Variants in TAFA1 observed in about 807,000 individuals in gnomAD.
The protein encoded by TAFA1 is TAFA chemokine like family member 1, also known as chemokine-like protein TAFA-1.
TAFA1 carries 4 observed loss-of-function variants against 18.5 expected under a neutral mutation model. The observed-to-expected ratio is 0.22, with a 90% CI of 0.11 to 0.49. TAFA1 has a LOEUF of 0.49. Among genes scored for constraint, TAFA1 ranks in the 20% least tolerant of loss-of-function variants. The pLI, the probability that TAFA1 is intolerant of heterozygous loss-of-function variation, is 0.98. For missense variants in TAFA1, 147 were observed against 169.0 expected (o/e 0.87, Z 0.72); for synonymous variants, 56 against 55.2 (o/e 1.01, Z -0.06).
intron 2 of TAFA1, among the ~76,000 whole-genome samples, chr3:68,116,943 C>G (rs1017781741): frequency 2.0e-5 from 3 of 152,198 alleles, no homozygotes; most frequent in Non-Finnish European, 4.4e-5. Context: ...ATCTGGCCTG[C>G]AAAACCTAAA....
At chr3:68,350,089 A>G (rs912565936) in intron 2 of TAFA1, among the ~76,000 whole-genome samples, 3 of 152,160 alleles carry the variant, frequency 2.0e-5, no homozygotes, top group African/African-American at 7.2e-5. Flanking sequence ...TATTGCTATA[A>G]GTAGCAAATG....
chr3:68,408,457 A>G (rs1428945222), intron 2 of TAFA1, among the ~76,000 whole-genome samples: 1 of 152,162 alleles, frequency 6.6e-6, no homozygotes, highest in Non-Finnish European at 1.5e-5. Context: ...CAAAAGCTAC[A>G]CTTATCATTC....
intron 3 of TAFA1, among the ~76,000 whole-genome samples, chr3:68,422,441 G>A (rs1055395718): frequency 1.3e-5 from 2 of 152,062 alleles, no homozygotes; most frequent in Non-Finnish European, 2.9e-5. Context: ...CATGGTAAGT[G>A]TTCCAATTGC....
intron 2 of TAFA1, among the ~76,000 whole-genome samples, chr3:68,303,548 C>G (rs2068345573): frequency 6.6e-6 from 1 of 152,084 alleles, no homozygotes; most frequent in Non-Finnish European, 1.5e-5. Context: ...TCACGCCATT[C>G]TCCCGCCTCA....
chr3:68,201,698 T>C (rs2107041085), intron 2 of TAFA1, among the ~76,000 whole-genome samples: 1 of 151,844 alleles, frequency 6.6e-6, no homozygotes, highest in Non-Finnish European at 1.5e-5. Context: ...AGCCACTGTC[T>C]TAGTTTATTT....
At chr3:68,386,174 A>T (rs1249892833) in intron 2 of TAFA1, among the ~76,000 whole-genome samples, 1 of 152,138 alleles carries the variant, frequency 6.6e-6, no homozygotes, top group East Asian at 1.9e-4. Flanking sequence ...TTTCAGTAAC[A>T]CACGATAGAT....
At position 68,449,160 on chromosome 3, in the gene TAFA1, G is replaced by A. The variant is rs539293734; in HGVS notation, c.259+31740G>A. On this transcript the variant is annotated intron_variant, in intron 3 of 4. Transcript: ENST00000478136. ...CAGTGAAAGAGAAATGCACGGAAAA[G>A]ATGCAGGGAAGGCTTCCTGCAGGAG... Among the ~76,000 whole-genome samples, 291 of 152,304 alleles carry A rather than the reference G, an allele frequency of 1.9e-3. 2 individuals are homozygous for A. The highest frequency in any genetic ancestry group is 6.6e-3 in the African/African-American group (276 of 41,564).
intron 2 of TAFA1, among the ~76,000 whole-genome samples, chr3:68,175,003 C>A (rs1575661325): frequency 6.6e-6 from 1 of 152,150 alleles, no homozygotes; most frequent in Non-Finnish European, 1.5e-5. Flanking sequence ...CTGAAAGGGG[C>A]CAATGAAGAG....
intron 2 of TAFA1, among the ~76,000 whole-genome samples, chr3:68,122,541 C>T (rs2065413542): frequency 6.6e-6 from 1 of 152,106 alleles, no homozygotes; most frequent in Non-Finnish European, 1.5e-5. Context: ...GACAGGAACA[C>T]TTAATCCTGT....
chr3:68,150,599 T>G (rs1192314862), intron 2 of TAFA1, among the ~76,000 whole-genome samples: 1 of 151,822 alleles, frequency 6.6e-6, no homozygotes, highest in Non-Finnish European at 1.5e-5. Context: ...CCAAGAGGAG[T>G]GTTAACCAAG....
At chr3:68,220,265 T>C (rs2066713188) in intron 2 of TAFA1, among the ~76,000 whole-genome samples, 1 of 152,158 alleles carries the variant, frequency 6.6e-6, no homozygotes, top group Non-Finnish European at 1.5e-5. Context: ...ATAAAGATTG[T>C]CTGCAAAACA....
chr3:68,361,177 A>C (rs2069460280), intron 2 of TAFA1, among the ~76,000 whole-genome samples: 1 of 152,064 alleles, frequency 6.6e-6, no homozygotes, highest in Non-Finnish European at 1.5e-5. Context: ...AAAAAGAATG[A>C]AATTGTGTCA....
intron 2 of TAFA1, among the ~76,000 whole-genome samples, chr3:68,171,802 G>GA (rs370430806): frequency 5.3e-4 from 79 of 150,334 alleles, no homozygotes; most frequent in East Asian, 1.8e-3. Flanking sequence ...AAACTGTAAT[G>GA]AAAAAAAAAT....
chr3:68,035,705 T>C (rs1391775607), intron 2 of TAFA1, among the ~76,000 whole-genome samples: 1 of 152,168 alleles, frequency 6.6e-6, no homozygotes, highest in African/African-American at 2.4e-5. Context: ...AAATGCAACT[T>C]ATGTTCACAC....
intron 2 of TAFA1, among the ~76,000 whole-genome samples, chr3:68,075,743 C>G (rs949767117): frequency 2.0e-5 from 3 of 148,974 alleles, no homozygotes; most frequent in Non-Finnish European, 4.4e-5. Flanking sequence ...GTCACCCAGG[C>G]TAGAGTACAG....
chr3:68,041,502 T>C (rs1705164429), intron 2 of TAFA1, among the ~76,000 whole-genome samples: 1 of 152,138 alleles, frequency 6.6e-6, no homozygotes, highest in Admixed American at 6.5e-5. Flanking sequence ...ATTTTCCTGA[T>C]AGGGATAACT....
chr3:68,323,541 G>A (rs933932404), intron 2 of TAFA1, among the ~76,000 whole-genome samples: 8 of 152,144 alleles, frequency 5.3e-5, no homozygotes, highest in Non-Finnish European at 8.8e-5. Context: ...GACTGTCCTC[G>A]TATGTGTAAC....
intron 2 of TAFA1, among the ~76,000 whole-genome samples, chr3:68,193,209 G>A (rs1473842388): frequency 1.3e-5 from 2 of 151,730 alleles, no homozygotes; most frequent in African/African-American, 4.8e-5. Context: ...ATACCATGCT[G>A]CTAACTGTGG....
intron 2 of TAFA1, among the ~76,000 whole-genome samples, chr3:68,387,370 C>T (rs1440038446): frequency 2.6e-5 from 4 of 152,080 alleles, no homozygotes; most frequent in African/African-American, 9.7e-5. Flanking sequence ...ACACATAAGC[C>T]TCTCCTTAAG....
Sources: allele counts gnomAD v4.1 joint callset (sites outside exome capture counted in the v4.1 genomes callset), GRCh38; gene constraint gnomAD v4.1.1; transcripts MANE v1.5; gene names NCBI Gene and HGNC (gene_info 2026-07-23, HGNC 2026-07-21).